Variants in ZFYVE9 observed in about 807,000 individuals in gnomAD.
ZFYVE9 encodes the protein zinc finger FYVE domain-containing protein 9.
A neutral mutation model predicts 126.7 loss-of-function variants in ZFYVE9; 43 were observed. That is an observed-to-expected ratio of 0.34 (90% CI 0.27 to 0.44). The LOEUF (loss-of-function observed/expected upper bound fraction) is 0.44. Among genes scored for constraint, ZFYVE9 ranks in the 20% least tolerant of loss-of-function variants. ZFYVE9 has a pLI of 1.00. For synonymous variants in ZFYVE9, 521 were observed against 597.4 expected, an observed-to-expected ratio of 0.87 and a Z score of 1.87; for missense variants, 1,476 against 1,697.0, an observed-to-expected ratio of 0.87 and a Z score of 2.29.
chr1:52,245,775 C>T (rs751792328), intron 4 of ZFYVE9, among the ~76,000 whole-genome samples: 1 of 152,102 alleles, frequency 6.6e-6, no homozygotes, highest in Non-Finnish European at 1.5e-5. Context: ...GAAACTGATA[C>T]GGTAGGACCC....
intron 4 of ZFYVE9, among the ~76,000 whole-genome samples, chr1:52,254,601 G>A (rs566557292): frequency 4.9e-4 from 74 of 152,230 alleles, no homozygotes; most frequent in African/African-American, 1.5e-3. Context: ...CTTAAAACAA[G>A]TGCAGTAAAC....
At chr1:52,180,282 A>G in intron 1 of ZFYVE9, 1 of 1,599,424 alleles carries the variant, frequency 6.3e-7, no homozygotes, top group Non-Finnish European at 8.5e-7. Context: ...TATCAAAGCC[A>G]TTTCAACAAC....
At chr1:52,228,378 ATTT>A in intron 2 of ZFYVE9, among the ~76,000 whole-genome samples, 1 of 152,228 alleles carries the variant, frequency 6.6e-6, no homozygotes, top group South Asian at 2.1e-4. Flanking sequence ...TTTGTCTAGA[ATTT>A]TTTTATTTAG....
chr1:52,231,907 A>G (rs750338759), intron 2 of ZFYVE9, among the ~76,000 whole-genome samples: 1 of 152,154 alleles, frequency 6.6e-6, no homozygotes, highest in Non-Finnish European at 1.5e-5. Context: ...AATTACAGGC[A>G]TGAGCCACGA....
intron 4 of ZFYVE9, among the ~76,000 whole-genome samples, chr1:52,251,133 G>A (rs149145929): frequency 0.035 from 5,248 of 151,846 alleles, 335 homozygotes; most frequent in African/African-American, 0.12. Context: ...GTGCAGTGGC[G>A]CGATCTTGGC....
chr1:52,180,564 T>A, intron 1 of ZFYVE9: 1 of 642,956 alleles, frequency 1.6e-6, no homozygotes, highest in South Asian at 1.9e-5. Flanking sequence ...AGGCTGCAGC[T>A]GCTATCACTT....
chr1:52,322,432 C>T (rs1646250112), intron 13 of ZFYVE9, among the ~76,000 whole-genome samples: 1 of 143,520 alleles, frequency 7.0e-6, no homozygotes, highest in Non-Finnish European at 1.5e-5. Flanking sequence ...CAGTGGAGTG[C>T]AATGGCGCGA....
intron 17 of ZFYVE9, among the ~76,000 whole-genome samples, chr1:52,340,753 A>G (rs1646427437): frequency 1.3e-5 from 2 of 151,928 alleles, no homozygotes; most frequent in South Asian, 4.2e-4. Context: ...TACAAAAATT[A>G]GCCGAGGCAT....
At chr1:52,147,316 G>GC in intron 1 of ZFYVE9, among the ~76,000 whole-genome samples, 1 of 152,264 alleles carries the variant, frequency 6.6e-6, no homozygotes, top group Middle Eastern at 3.4e-3. Context: ...TATTCACAGA[G>GC]TTGTGCAAAC....
At chr1:52,301,805 C>T (rs753634833) in intron 12 of ZFYVE9, among the ~76,000 whole-genome samples, 20 of 152,180 alleles carry the variant, frequency 1.3e-4, no homozygotes, top group Non-Finnish European at 2.6e-4. Context: ...ACATATATAT[C>T]AGGCTGCTTG....
chr1:52,327,531 G>A (rs1646303753), intron 13 of ZFYVE9, among the ~76,000 whole-genome samples: 1 of 151,706 alleles, frequency 6.6e-6, no homozygotes, highest in Admixed American at 6.6e-5. Context: ...GAATCCGGGA[G>A]GCAAGAGGTT....
At chr1:52,228,251 A>T (rs1572116346) in intron 2 of ZFYVE9, among the ~76,000 whole-genome samples, 1 of 151,984 alleles carries the variant, frequency 6.6e-6, no homozygotes, top group South Asian at 2.1e-4. Context: ...GCGAATTTTT[A>T]AAATTTTCTG....
At chr1:52,179,861 G>A (rs956383196) in intron 1 of ZFYVE9, 12 of 713,212 alleles carry the variant, frequency 1.7e-5, no homozygotes, top group South Asian at 7.6e-5. Context: ...GGACCCCAAC[G>A]CAGACACTGA....
intron 1 of ZFYVE9, among the ~76,000 whole-genome samples, chr1:52,210,875 G>C (rs1434210793): frequency 6.6e-6 from 1 of 152,130 alleles, no homozygotes; most frequent in Non-Finnish European, 1.5e-5. Context: ...GGTTCTTCTC[G>C]AACTTCTGAT....
chr1:52,202,455 A>G (rs1557454267), intron 1 of ZFYVE9, among the ~76,000 whole-genome samples: 2 of 151,244 alleles, frequency 1.3e-5, no homozygotes. Context: ...TAATTTTTGT[A>G]TTTTTAGTAG....
chr1:52,337,712 T>G (rs1222176439), intron 15 of ZFYVE9, 60 bp from the exon 16 acceptor site: 5 of 1,579,296 alleles, frequency 3.2e-6, no homozygotes, highest in African/African-American at 2.7e-5. Context: ...CGGAGGAATT[T>G]GCTAGATGCC....
chr1:52,254,051 G>T (rs1047704365), intron 4 of ZFYVE9: 2 of 756,522 alleles, frequency 2.6e-6, no homozygotes, highest in Non-Finnish European at 4.7e-6. Context: ...GTTCTAGCCA[G>T]TCATCAAAAT....
intron 7 of ZFYVE9, among the ~76,000 whole-genome samples, chr1:52,274,189 G>A (rs1346829348): frequency 6.6e-6 from 1 of 152,140 alleles, no homozygotes; most frequent in Admixed American, 6.5e-5. Context: ...CCTGGGTAAA[G>A]GAAGCTTTAA....
At chr1:52,160,135 C>G (rs1644442296) in intron 1 of ZFYVE9, 1 of 605,090 alleles carries the variant, frequency 1.7e-6, no homozygotes, top group African/African-American at 1.9e-5. Context: ...GAATTACACA[C>G]ATAACACTAT....
Sources: gnomAD v4.1 joint callset for allele counts (sites outside exome capture counted in the v4.1 genomes callset) on GRCh38, gnomAD v4.1.1 for gene constraint, MANE v1.5 for transcripts, NCBI Gene and HGNC (gene_info 2026-07-23, HGNC 2026-07-21) for gene names.